CDKAL1: variants seen among roughly 807,000 people sequenced by gnomAD.
CDKAL1 encodes threonylcarbamoyladenosine tRNA methylthiotransferase.
A neutral mutation model predicts 68.2 loss-of-function variants in CDKAL1; 32 were observed. The ratio of observed to expected loss-of-function variants is 0.47; its 90% confidence interval spans 0.35 to 0.63. The LOEUF is 0.63. CDKAL1 is among the 30% of genes least tolerant of loss of function. The probability of loss-of-function intolerance (pLI) is 0.00; values close to 1 mark genes in which losing one functional copy is unlikely to be tolerated. For synonymous variants in CDKAL1, 234 were observed against 244.3 expected (o/e 0.96, Z 0.39); for missense variants, 606 against 696.7 (o/e 0.87, Z 1.47).
chr6:21,102,712 C>T (rs538171570), intron 12 of CDKAL1, among the ~76,000 whole-genome samples: 40 of 152,242 alleles, frequency 2.6e-4, no homozygotes, highest in Non-Finnish European at 4.9e-4. Context: ...AATTGCACTC[C>T]AGTCTCTTTT....
At chr6:20,849,181 C>G (rs7753271) in intron 9 of CDKAL1, among the ~76,000 whole-genome samples, 1 of 152,056 alleles carries the variant, frequency 6.6e-6, no homozygotes, top group East Asian at 1.9e-4. Flanking sequence ...ATGATGTGAA[C>G]GTAGTATCTC....
chr6:21,172,905 T>C (rs1195671576), intron 13 of CDKAL1, among the ~76,000 whole-genome samples: 2 of 152,196 alleles, frequency 1.3e-5, no homozygotes, highest in Non-Finnish European at 2.9e-5. Context: ...CTCCAATGAC[T>C]ACGCATTTCA....
chr6:20,906,000 C>T (rs986465297), intron 9 of CDKAL1, among the ~76,000 whole-genome samples: 12 of 152,118 alleles, frequency 7.9e-5, no homozygotes, highest in African/African-American at 2.7e-4. Context: ...TAACCTGAAA[C>T]CCTTTGAAGA....
intron 9 of CDKAL1, among the ~76,000 whole-genome samples, chr6:20,952,995 CA>C (rs1160161988): frequency 6.6e-6 from 1 of 152,224 alleles, no homozygotes; most frequent in African/African-American, 2.4e-5. Flanking sequence ...TCATCTTTGA[CA>C]GATTTTTGAA....
At chr6:20,808,740 A>C (rs1157381321) in intron 8 of CDKAL1, among the ~76,000 whole-genome samples, 1 of 152,146 alleles carries the variant, frequency 6.6e-6, no homozygotes, top group Admixed American at 6.5e-5. Context: ...GTAGTAACAG[A>C]AAATATGGAT....
At chr6:20,945,911 C>T (rs1200092023) in intron 9 of CDKAL1, among the ~76,000 whole-genome samples, 3 of 152,064 alleles carry the variant, frequency 2.0e-5, no homozygotes, top group Non-Finnish European at 2.9e-5. Flanking sequence ...TAATTTTGTT[C>T]TGAAAGACTG....
Position 20,909,181 on chromosome 6 carries a change from ATGTATG to A in CDKAL1, c.743-46234_743-46229del, listed in dbSNP as rs761176859. On this transcript the variant is annotated intron_variant, in intron 9 of 15. Coordinates refer to ENST00000274695, the MANE Select transcript of CDKAL1 (RefSeq NM_017774.3). The stretch of plus-strand genomic sequence containing the variant: ...TGTATATGTATCTATATATGTGTGC[ATGTATG>A]TGTGTGTGTGTGTGTGTGTGTGTGT... Among the ~76,000 whole-genome samples, 9 of 133,312 alleles carry A rather than the reference ATGTATG, an allele frequency of 6.8e-5. No homozygotes were observed. In the East Asian group the frequency reaches 9.5e-4, roughly 14 times the overall value. 87.5% of individuals were successfully genotyped at this position (133,312 alleles called of 152,430 possible).
chr6:20,552,485 T>C (rs545906654), intron 4 of CDKAL1, among the ~76,000 whole-genome samples: 1 of 152,282 alleles, frequency 6.6e-6, no homozygotes, highest in East Asian at 1.9e-4. Flanking sequence ...CTTGTAACAG[T>C]ACTTGTCTGT....
At chr6:21,039,099 G>A (rs905609249) in intron 11 of CDKAL1, among the ~76,000 whole-genome samples, 2 of 152,124 alleles carry the variant, frequency 1.3e-5, no homozygotes, top group South Asian at 2.1e-4. Context: ...GTTAGGATCC[G>A]GGCCACTCAG....
At chr6:20,852,043 C>T (rs1431316459) in intron 9 of CDKAL1, among the ~76,000 whole-genome samples, 1 of 151,904 alleles carries the variant, frequency 6.6e-6, no homozygotes, top group African/African-American at 2.4e-5. Flanking sequence ...GTGCTGTATT[C>T]AATTGAGAAA....
chr6:21,158,628 A>G (rs1410506771), intron 13 of CDKAL1, among the ~76,000 whole-genome samples: 3 of 152,196 alleles, frequency 2.0e-5, no homozygotes, highest in African/African-American at 4.8e-5. Flanking sequence ...TTAATTTCCT[A>G]TGTTTCCATT....
intron 13 of CDKAL1, among the ~76,000 whole-genome samples, chr6:21,147,885 T>A (rs962627024): frequency 4.6e-5 from 7 of 152,346 alleles, no homozygotes; most frequent in Admixed American, 2.6e-4. Context: ...AATGCTTACT[T>A]TTTAACTAAT....
chr6:20,612,251 T>G (rs991199415), intron 4 of CDKAL1, among the ~76,000 whole-genome samples: 1 of 152,204 alleles, frequency 6.6e-6, no homozygotes, highest in African/African-American at 2.4e-5. Context: ...GATTTTTTTT[T>G]CCTTTGGATA....
At position 20,654,239 on chromosome 6, in the gene CDKAL1, G is replaced by A. The variant is rs1334582352; in HGVS notation, c.371+4862G>A. Among the ~76,000 whole-genome samples the A allele has an allele frequency of 3.3e-5, 5 of 151,474 alleles. 1 individual carries two copies. Among genetic ancestry groups the A allele is most frequent in the Non-Finnish European group, 4.4e-5 (3 of 67,924 alleles). On this transcript the variant is annotated intron_variant, in intron 5 of 15. Transcript: ENST00000274695. The stretch of plus-strand genomic sequence containing the variant: ...TGGGCTTTTTAAAATAGATCTATTG[G>A]CTATTTGGATTTTACTTTTTTGGTA...
intron 8 of CDKAL1, among the ~76,000 whole-genome samples, chr6:20,825,141 A>G (rs1228054325): frequency 6.6e-6 from 1 of 151,990 alleles, no homozygotes; most frequent in Non-Finnish European, 1.5e-5. Context: ...CTTACATTCC[A>G]GGTAGCTCCT....
At chr6:20,616,811 T>C (rs1766925784) in intron 4 of CDKAL1, among the ~76,000 whole-genome samples, 1 of 147,110 alleles carries the variant, frequency 6.8e-6, no homozygotes, top group African/African-American at 2.5e-5. Flanking sequence ...GAGACCAGCC[T>C]GGACAGCATG....
intron 6 of CDKAL1, among the ~76,000 whole-genome samples, chr6:20,750,951 GAAAAAAAAAAAAAA>G (rs59244637): frequency 4.9e-4 from 23 of 47,072 alleles, no homozygotes; most frequent in Admixed American, 2.9e-3. Flanking sequence ...GCAACAGAGT[GAAAAAAAAAAAAAA>G]AAAAAAAAAA....
intron 11 of CDKAL1, among the ~76,000 whole-genome samples, chr6:21,055,399 C>T (rs569470312): frequency 2.0e-5 from 3 of 151,178 alleles, no homozygotes; most frequent in African/African-American, 7.3e-5. Context: ...TTTTTAAGTT[C>T]TGAGGTACAT....
chr6:21,200,459 T>C (rs777501139), intron 14 of CDKAL1, among the ~76,000 whole-genome samples: 31 of 152,222 alleles, frequency 2.0e-4, no homozygotes, highest in Non-Finnish European at 4.1e-4. Context: ...CTTTTAAATG[T>C]ACCTCCTTCT....
Sources: gnomAD v4.1 joint callset for allele counts (sites outside exome capture counted in the v4.1 genomes callset) on GRCh38, gnomAD v4.1.1 for gene constraint, MANE v1.5 for transcripts, NCBI Gene and HGNC (gene_info 2026-07-23, HGNC 2026-07-21) for gene names.